Variants in EYS observed in about 807,000 individuals in gnomAD.
The protein encoded by EYS is EGF-like photoreceptor maintenance factor.
EYS carries 250 observed loss-of-function variants against 282.1 expected under a neutral mutation model. The observed-to-expected ratio is 0.89, with a 90% confidence interval of 0.80 to 0.98. The LOEUF is 0.98. Among genes scored for constraint, EYS ranks in the 50% least tolerant of loss-of-function variants. The pLI is 0.00. For missense variants in EYS, 4,016 were observed against 3,709.0 expected (o/e 1.08, Z -2.15); for synonymous variants, 1,355 against 1,282.9 (o/e 1.06, Z -1.20).
rs116351047 is a variant in EYS, at chr6:64,637,676, C to T, written c.3444-11431G>A. Reference sequence around the variant, plus strand: ...TGAAACTTACCTCAATCTATCACCACGTCTACATTACTCTACAGTGATCAG... The same window carrying T: ...TGAAACTTACCTCAATCTATCACCATGTCTACATTACTCTACAGTGATCAG... On this transcript the variant is annotated intron_variant, in intron 22 of 42. Transcript: ENST00000503581. Among the ~76,000 whole-genome samples, 415 of 89,822 alleles carry T rather than the reference C, an allele frequency of 4.6e-3. 144 individuals are homozygous for T. Among genetic ancestry groups the T allele is most frequent in the African/African-American group, 0.017 (391 of 23,590 alleles). 58.9% of individuals were successfully genotyped at this position (89,822 alleles called of 152,430 possible).
chr6:65,588,236 A>G (rs1307934098), intron 2 of EYS, among the ~76,000 whole-genome samples: 1 of 152,024 alleles, frequency 6.6e-6, no homozygotes, highest in East Asian at 1.9e-4. Context: ...CTGTGTCATA[A>G]ACCTCTATCC....
chr6:64,995,108 C>T (rs954552504), intron 14 of EYS, among the ~76,000 whole-genome samples: 6 of 152,054 alleles, frequency 3.9e-5, no homozygotes, highest in African/African-American at 9.7e-5. Flanking sequence ...ATCAGCTTGG[C>T]CCCTGCAGGA....
At chr6:65,617,705 C>T (rs1204271916) in intron 2 of EYS, among the ~76,000 whole-genome samples, 1 of 123,056 alleles carries the variant, frequency 8.1e-6, no homozygotes, top group Non-Finnish European at 1.7e-5. Context: ...CTCCCCCCTC[C>T]CCCCACCCCA....
intron 26 of EYS, among the ~76,000 whole-genome samples, chr6:64,526,761 A>G (rs749113696): frequency 2.3e-4 from 35 of 151,928 alleles, no homozygotes; most frequent in Admixed American, 5.9e-4. Flanking sequence ...TTCTAAATCA[A>G]TTGAAGGAAT....
chr6:63,949,647 A>G (rs894398614), intron 35 of EYS, among the ~76,000 whole-genome samples: 2 of 152,200 alleles, frequency 1.3e-5, no homozygotes, highest in African/African-American at 4.8e-5. Flanking sequence ...CCACTAGACT[A>G]TGACCTCCTT....
intron 35 of EYS, among the ~76,000 whole-genome samples, chr6:63,890,597 T>G (rs1239072165): frequency 6.6e-6 from 1 of 152,080 alleles, no homozygotes; most frequent in Non-Finnish European, 1.5e-5. Flanking sequence ...GCTAAAGAAG[T>G]GTTTAGAGGG....
intron 31 of EYS, among the ~76,000 whole-genome samples, chr6:64,212,608 A>T (rs1331656073): frequency 6.6e-6 from 1 of 151,984 alleles, no homozygotes; most frequent in Non-Finnish European, 1.5e-5. Context: ...TAAAAGTCAA[A>T]AACAGATGCT....
chr6:63,989,082 C>G (rs547058723), intron 34 of EYS, among the ~76,000 whole-genome samples: 67 of 151,586 alleles, frequency 4.4e-4, no homozygotes, highest in African/African-American at 1.6e-3. Flanking sequence ...AATTCTGCGT[C>G]TGAAGTTAAA....
intron 31 of EYS, among the ~76,000 whole-genome samples, chr6:64,216,172 G>T (rs925919394): frequency 6.6e-6 from 1 of 152,168 alleles, no homozygotes; most frequent in African/African-American, 2.4e-5. Context: ...CATTGGAAAA[G>T]AAGTCAGTAA....
At chr6:65,376,920 T>G (rs76122963) in intron 8 of EYS, among the ~76,000 whole-genome samples, 1,717 of 152,248 alleles carry the variant, frequency 0.011, 36 homozygotes, top group African/African-American at 0.039. Flanking sequence ...CTCACAGTAA[T>G]AGTGGGAGAC....
At chr6:65,048,070 C>A (rs146207216) in intron 13 of EYS, among the ~76,000 whole-genome samples, 1 of 152,030 alleles carries the variant, frequency 6.6e-6, no homozygotes, top group African/African-American at 2.4e-5. Flanking sequence ...TGTAGTGTAG[C>A]TTCTTGGACA....
intron 33 of EYS, among the ~76,000 whole-genome samples, chr6:64,015,209 A>G (rs1562151615): frequency 6.6e-6 from 1 of 152,202 alleles, no homozygotes; most frequent in Non-Finnish European, 1.5e-5. Context: ...CTGATAAAAA[A>G]CAATTACACT....
In EYS at chr6:63,916,209, C is replaced by T. The variant is rs544049726; in HGVS notation, c.7056-51851G>A. Among the ~76,000 whole-genome samples the T allele has an allele frequency of 5.9e-5, 9 of 152,278 alleles. No homozygotes were observed. In the South Asian group the frequency reaches 1.9e-3, roughly 32 times the overall value. On this transcript the variant is annotated intron_variant, in intron 35 of 42. Transcript: ENST00000503581. ...GCAGCCATCAACATCCAGACAAGAC[C>T]CTCTACCTGCGGAAAGATGACAACA...
At chr6:65,474,507 C>T (rs1765330214) in intron 5 of EYS, among the ~76,000 whole-genome samples, 1 of 152,062 alleles carries the variant, frequency 6.6e-6, no homozygotes, top group South Asian at 2.1e-4. Flanking sequence ...GTTAATACAG[C>T]TCATTGTCTC....
At chr6:64,306,911 A>G (rs1769466189) in intron 30 of EYS, 59 bp downstream of exon 30, 1 of 810,696 alleles carries the variant, frequency 1.2e-6, no homozygotes, top group Non-Finnish European at 2.0e-6. Context: ...ATTGGAAATG[A>G]TATCTTTTGG....
chr6:64,229,566 A>C (rs949734608), intron 31 of EYS, among the ~76,000 whole-genome samples: 1 of 152,216 alleles, frequency 6.6e-6, no homozygotes, highest in African/African-American at 2.4e-5. Flanking sequence ...TTTGAAGAAC[A>C]CTTATATGAT....
intron 11 of EYS, among the ~76,000 whole-genome samples, chr6:65,327,487 A>G (rs1360230488): frequency 1.3e-5 from 2 of 151,508 alleles, no homozygotes; most frequent in African/African-American, 2.4e-5. Context: ...TTGATCCTCT[A>G]TTATACTTTT....
chr6:64,912,482 A>G lies in EYS; in HGVS notation c.2641+2T>C, dbSNP rs960578029. ...AACAATAAAATCCATATTAGCTCTT[A>G]CCTTCTCTACAAATACAATGCTGAT... On this transcript the variant is annotated splice_donor_variant, in intron 16 of 42. Coordinates refer to ENST00000503581, the MANE Select transcript of EYS (RefSeq NM_001142800.2). LOFTEE classifies it high-confidence loss of function. The G allele has an allele frequency of 4.5e-6, 7 of 1,550,362 alleles. No individual in the cohort carries two copies. Among genetic ancestry groups the G allele is most frequent in the Non-Finnish European group, 6.1e-6 (7 of 1,145,848 alleles).
At chr6:64,698,361 A>T (rs544792519) in intron 22 of EYS, among the ~76,000 whole-genome samples, 1 of 152,246 alleles carries the variant, frequency 6.6e-6, no homozygotes, top group Non-Finnish European at 1.5e-5. Flanking sequence ...TGAGAATAAA[A>T]TATAAGGGCT....
Sources: gnomAD v4.1 joint callset for allele counts (sites outside exome capture counted in the v4.1 genomes callset) on GRCh38, gnomAD v4.1.1 for gene constraint, MANE v1.5 for transcripts, NCBI Gene and HGNC (gene_info 2026-07-23, HGNC 2026-07-21) for gene names.